WDR5: variants seen among roughly 807,000 people sequenced by gnomAD.
WDR5 encodes the protein WD repeat domain 5.
For synonymous variants in WDR5, 144 were observed against 161.6 expected (o/e 0.89, Z 0.83); for missense variants, 187 against 416.9 (o/e 0.45, Z 4.80).
chr9:134,141,915 T>A, intron 4 of WDR5, 34 bp from the exon 5 acceptor site: 2 of 1,601,236 alleles, frequency 1.2e-6, no homozygotes, highest in Non-Finnish European at 1.7e-6. Context: ...TATTTTGTCC[T>A]GTCAAGTTAC....
At position 134,158,020 on chromosome 9, in the gene WDR5, C is replaced by G; in HGVS notation, c.*27C>G. On this transcript the variant is annotated 3_prime_UTR_variant, in exon 14 of 14. Transcript: ENST00000358625. Reference sequence around the variant, plus strand: ...TCCCTTTGCTCCTGCCCGCGAGAGACTGTCGGGAAGTTGACCCGGATTGGC... The same window carrying G: ...TCCCTTTGCTCCTGCCCGCGAGAGAGTGTCGGGAAGTTGACCCGGATTGGC... The G allele has an allele frequency of 6.2e-7, 1 of 1,607,974 alleles. No individual in the cohort carries two copies. Among genetic ancestry groups the G allele is most frequent in the African/African-American group, 1.3e-5 (1 of 74,908 alleles).
At chr9:134,153,826 A>T (rs1832616087) in intron 9 of WDR5, among the ~76,000 whole-genome samples, 2 of 152,082 alleles carry the variant, frequency 1.3e-5, no homozygotes, top group Non-Finnish European at 2.9e-5. Flanking sequence ...CTCCTCACTC[A>T]GGTGAGAGGA....
intron 1 of WDR5, 61 bp downstream of exon 1, chr9:134,136,261 C>T (rs1471350170): frequency 6.7e-6 from 1 of 148,982 alleles, no homozygotes; most frequent in Non-Finnish European, 1.5e-5. Flanking sequence ...GCGCCAGAAG[C>T]TTCCAAACCG....
intron 7 of WDR5, among the ~76,000 whole-genome samples, chr9:134,144,153 C>G (rs934807039): frequency 1.3e-5 from 2 of 152,234 alleles, no homozygotes; most frequent in Non-Finnish European, 2.9e-5. Flanking sequence ...CAGGCCTGGG[C>G]GGGGCTGCGG....
intron 11 of WDR5, 96 bp downstream of exon 11, chr9:134,155,469 G>A (rs1737639743): frequency 6.8e-7 from 1 of 1,471,510 alleles, no homozygotes. Flanking sequence ...CAAAGGAGAG[G>A]AGCTCAGAGA....
chr9:134,152,201 G>A (rs1021038836), intron 9 of WDR5, among the ~76,000 whole-genome samples, 172 bp downstream of exon 9: 4 of 152,244 alleles, frequency 2.6e-5, no homozygotes, highest in Admixed American at 6.5e-5. Flanking sequence ...ACCGCCCGCT[G>A]GCTCTGTTGC....
rs1285891234 is a variant in WDR5, at chr9:134,157,685, T to A, written c.905-208T>A. Among the ~76,000 whole-genome samples the A allele has an allele frequency of 6.6e-6, 1 of 152,092 alleles. No homozygotes were observed. Among genetic ancestry groups the A allele is most frequent in the Non-Finnish European group, 1.5e-5 (1 of 68,028 alleles). ...CCTGCCCCTGTCCCCCAACCGGCTG[T>A]GTCGCCCTGGTACCGGCTGCTGTCC... is the stretch of plus-strand genomic sequence containing the variant. On this transcript the variant is annotated intron_variant, in intron 13 of 13. Transcript: ENST00000358625. The surrounding 1 kb of genome is among the most constrained non-coding windows in gnomAD (Gnocchi z 5.0).
At chr9:134,154,209 C>T (rs62577365) in intron 9 of WDR5, among the ~76,000 whole-genome samples, 5,354 of 152,254 alleles carry the variant, frequency 0.035, 124 homozygotes, top group Non-Finnish European at 0.056. Context: ...CCTGGTGCCC[C>T]AGGAGGCCTG....
chr9:134,141,694 T>C lies in WDR5; in HGVS notation c.264+111T>C. 2.6e-6 allele frequency: 3 copies of C among 1,133,532 alleles called. No individual in the cohort carries two copies. In the South Asian group the frequency reaches 4.4e-5, roughly 16 times the overall value. 70.2% of individuals were successfully genotyped at this position (1,133,532 alleles called of 1,614,324 possible). A position where few individuals can be genotyped will look rare whatever the true frequency, so the allele number is the denominator to read the frequency against. Reference sequence around the variant, plus strand: ...GGGTTCAGGTTTTAAGTTTTCCCCGTTTTTTAATTTTTTTATAGTTATTTG... The same window carrying C: ...GGGTTCAGGTTTTAAGTTTTCCCCGCTTTTTAATTTTTTTATAGTTATTTG... On this transcript the variant is annotated intron_variant, in intron 4 of 13. Coordinates refer to ENST00000358625, the MANE Select transcript of WDR5 (RefSeq NM_017588.3).
Position 134,157,666 on chromosome 9 carries a change from C to G in WDR5, c.905-227C>G, listed in dbSNP as rs753725260. 2.0e-5 allele frequency among the ~76,000 whole-genome samples: 3 copies of G among 152,080 alleles called. No individual in the cohort carries two copies. The highest frequency in any genetic ancestry group is 4.4e-5 in the Non-Finnish European group (3 of 68,004). On this transcript the variant is annotated intron_variant, in intron 13 of 13. Transcript: ENST00000358625. The surrounding 1 kb of genome is among the most constrained non-coding windows in gnomAD (Gnocchi z 5.0). ...CTGGCACTCCCTGTGGCCTCCTGCC[C>G]CTGTCCCCCAACCGGCTGTGTCGCC...
At chr9:134,150,766 C>T (rs772725978) in intron 8 of WDR5, among the ~76,000 whole-genome samples, 5 of 152,132 alleles carry the variant, frequency 3.3e-5, no homozygotes, top group Non-Finnish European at 7.3e-5. Flanking sequence ...GACCAGAACC[C>T]GTGTCAGCTC....
intron 8 of WDR5, 64 bp from the exon 9 acceptor site, chr9:134,151,919 C>T: frequency 1.3e-6 from 2 of 1,538,970 alleles, no homozygotes; most frequent in Non-Finnish European, 1.8e-6. Context: ...ATATCTGACT[C>T]CCAGCAGCCC....
intron 12 of WDR5, among the ~76,000 whole-genome samples, chr9:134,156,036 A>G (rs993705701): frequency 1.3e-5 from 2 of 152,204 alleles, no homozygotes; most frequent in Non-Finnish European, 2.9e-5. Context: ...GGGACCCAAC[A>G]GGTGGAGCTC....
intron 7 of WDR5, among the ~76,000 whole-genome samples, chr9:134,147,996 A>AAT (rs1056542274): frequency 5.8e-4 from 88 of 151,876 alleles, no homozygotes; most frequent in African/African-American, 1.8e-3. Context: ...CTCTCCTAAA[A>AAT]ATATATATAT....
rs187930975 is a variant in WDR5, at chr9:134,158,154, G to A, written c.*161G>A. ...GATGATTTGGCCGAGCGGAAGGTGT[G>A]GACCACCGGAAAGTTCTTAAAAGTT... On this transcript the variant is annotated 3_prime_UTR_variant, in exon 14 of 14. Coordinates refer to ENST00000358625, the MANE Select transcript of WDR5 (RefSeq NM_017588.3). 422 of 619,292 alleles carry A rather than the reference G, an allele frequency of 6.8e-4. 3 individuals carry two copies. In the East Asian group the frequency reaches 9.9e-3, roughly 14 times the overall value. 38.4% of individuals were successfully genotyped at this position (619,292 alleles called of 1,614,324 possible).
At chr9:134,144,122 C>T (rs1382617101) in intron 7 of WDR5, among the ~76,000 whole-genome samples, 1 of 152,276 alleles carries the variant, frequency 6.6e-6, no homozygotes, top group Non-Finnish European at 1.5e-5. Context: ...AGCCCTGATA[C>T]TGCCCGGACG....
At chr9:134,142,452 G>A (rs764348321) in intron 6 of WDR5, 30 bp downstream of exon 6, 1 of 1,611,262 alleles carries the variant, frequency 6.2e-7, no homozygotes, top group South Asian at 1.1e-5. Context: ...CTTCCCTGGG[G>A]GAGGTGGTGT....
chr9:134,140,038 G>T, intron 2 of WDR5, 80 bp downstream of exon 2: 1 of 1,510,742 alleles, frequency 6.6e-7, no homozygotes, highest in South Asian at 1.1e-5. Flanking sequence ...AAGCTCATAA[G>T]CCTAGTCTTC....
Position 134,142,625 on chromosome 9 carries a change from T to A in WDR5, c.445-11T>A. On this transcript the variant is annotated splice_polypyrimidine_tract_variant and intron_variant, in intron 6 of 13. Coordinates refer to ENST00000358625, the MANE Select transcript of WDR5 (RefSeq NM_017588.3). ...TTCCTGTAAAATCACTGTCATCTCT[T>A]TTGTGTTCAGTTTGACGAAAGCGTG... 6.2e-7 allele frequency: 1 copy of A among 1,613,232 alleles called. No individual in the cohort carries two copies. Among genetic ancestry groups the A allele is most frequent in the Non-Finnish European group, 8.5e-7 (1 of 1,179,096 alleles).
Sources: gnomAD v4.1 joint callset for allele counts (sites outside exome capture counted in the v4.1 genomes callset) on GRCh38, gnomAD v4.1.1 for gene constraint, Gnocchi (gnomAD v3.1) non-coding constraint, MANE v1.5 for transcripts, NCBI Gene and HGNC (gene_info 2026-07-23, HGNC 2026-07-21) for gene names.